The following FARP2 variants were observed in gnomAD, a reference collection of about 807,000 sequenced individuals.
FARP2 encodes the protein FERM, ARH/RhoGEF and pleckstrin domain protein 2.
In FARP2, 111 loss-of-function variants were observed where a neutral mutation model predicts 130.5. The ratio of observed to expected loss-of-function variants is 0.85; its 90% CI spans 0.73 to 1.00. FARP2 has a LOEUF of 1.00. Among genes scored for constraint, FARP2 ranks in the 50% least tolerant of loss-of-function variants. The probability of loss-of-function intolerance (pLI) is 0.00; values close to 1 mark genes in which losing one functional copy is unlikely to be tolerated. For missense variants in FARP2, 1,385 were observed against 1,346.3 expected (o/e 1.03, Z -0.45); for synonymous variants, 504 against 516.9 (o/e 0.98, Z 0.34).
At chr2:241,465,696 G>A in intron 17 of FARP2, 1 of 1,550,936 alleles carries the variant, frequency 6.4e-7, no homozygotes, top group South Asian at 1.2e-5. Context: ...TTCACCACGT[G>A]ACCGCCCAAG....
intron 2 of FARP2, among the ~76,000 whole-genome samples, chr2:241,384,168 C>T (rs932436711): frequency 6.6e-6 from 1 of 151,850 alleles, no homozygotes; most frequent in African/African-American, 2.4e-5. Flanking sequence ...CATCAGTCTT[C>T]GACTTCTGAA....
At chr2:241,369,254 C>G (rs572996873) in intron 1 of FARP2, among the ~76,000 whole-genome samples, 75 of 152,096 alleles carry the variant, frequency 4.9e-4, no homozygotes, top group African/African-American at 1.8e-3. Flanking sequence ...GAAGAGGAAG[C>G]AATGTTAAAA....
chr2:241,420,353 T>C (rs1444406673), intron 8 of FARP2, among the ~76,000 whole-genome samples: 1 of 152,134 alleles, frequency 6.6e-6, no homozygotes, highest in Non-Finnish European at 1.5e-5. Flanking sequence ...GAAAATTATA[T>C]GTGCACTATA....
At chr2:241,364,725 G>A (rs2150285013) in intron 1 of FARP2, among the ~76,000 whole-genome samples, 1 of 152,176 alleles carries the variant, frequency 6.6e-6, no homozygotes, top group African/African-American at 2.4e-5. Flanking sequence ...ATAATGCATG[G>A]ATTTACAGTT....
At chr2:241,464,203 A>T (rs897608402) in intron 17 of FARP2, among the ~76,000 whole-genome samples, 1 of 148,472 alleles carries the variant, frequency 6.7e-6, no homozygotes, top group African/African-American at 2.5e-5. Flanking sequence ...GGGTCCCCTC[A>T]GAATAGGATC....
chr2:241,361,059 A>T (rs2061175362), intron 1 of FARP2, among the ~76,000 whole-genome samples: 1 of 151,576 alleles, frequency 6.6e-6, no homozygotes, highest in Non-Finnish European at 1.5e-5. Flanking sequence ...TCTTAGGCAC[A>T]CAGAATTGTA....
chr2:241,446,536 C>T (rs2063518934), intron 13 of FARP2: 1 of 152,152 alleles, frequency 6.6e-6, no homozygotes, highest in Non-Finnish European at 1.5e-5. Context: ...TGGTTGTGAT[C>T]ACATGGTGAC....
intron 21 of FARP2, among the ~76,000 whole-genome samples, chr2:241,484,854 T>G (rs988298902): frequency 6.6e-6 from 1 of 152,166 alleles, no homozygotes; most frequent in Non-Finnish European, 1.5e-5. Flanking sequence ...CATGCAGCTC[T>G]AGAGGCTATG....
chr2:241,477,692 C>T (rs909980655), intron 19 of FARP2, among the ~76,000 whole-genome samples: 10 of 152,206 alleles, frequency 6.6e-5, no homozygotes, highest in African/African-American at 2.2e-4. Flanking sequence ...TTCATTCCCA[C>T]CAACTCGTAT....
intron 11 of FARP2, among the ~76,000 whole-genome samples, chr2:241,436,150 C>A (rs971190972): frequency 4.6e-5 from 7 of 151,582 alleles, no homozygotes; most frequent in African/African-American, 1.7e-4. Flanking sequence ...ACCTCGTGAT[C>A]CACCCGCCTC....
chr2:241,406,697 C>T (rs1051956593), intron 4 of FARP2, among the ~76,000 whole-genome samples: 1 of 152,250 alleles, frequency 6.6e-6, no homozygotes, highest in East Asian at 1.9e-4. Context: ...CTCCTGGGTT[C>T]AAGTGATCCA....
chr2:241,412,520 A>C (rs1300896428), intron 6 of FARP2, among the ~76,000 whole-genome samples: 1 of 152,240 alleles, frequency 6.6e-6, no homozygotes, highest in Non-Finnish European at 1.5e-5. Context: ...ATTGTCTAAA[A>C]ATAAAAGCAT....
At chr2:241,400,661 C>T (rs1296052065) in intron 2 of FARP2, among the ~76,000 whole-genome samples, 1 of 152,194 alleles carries the variant, frequency 6.6e-6, no homozygotes, top group African/African-American at 2.4e-5. Flanking sequence ...ATTATCCCTG[C>T]ACTCAGGTGA....
At chr2:241,437,664 TTA>T (rs1456995188) in intron 12 of FARP2, among the ~76,000 whole-genome samples, 114 of 143,752 alleles carry the variant, frequency 7.9e-4, no homozygotes, top group African/African-American at 2.8e-3. Flanking sequence ...ATTTATTTAT[TTA>T]TTTATTTTTT....
At chr2:241,437,670 ATT>A (rs763025047) in intron 12 of FARP2, among the ~76,000 whole-genome samples, 1 of 133,110 alleles carries the variant, frequency 7.5e-6, no homozygotes. Context: ...TTATTTATTT[ATT>A]TTTTTTTTTT....
intron 19 of FARP2, among the ~76,000 whole-genome samples, chr2:241,481,717 C>T (rs1327583419): frequency 1.3e-5 from 2 of 152,120 alleles, no homozygotes; most frequent in East Asian, 3.9e-4. Context: ...GCCCAGGGAA[C>T]TGTCACTGGG....
At chr2:241,425,219 A>C (rs1425568807) in intron 8 of FARP2, among the ~76,000 whole-genome samples, 2 of 151,868 alleles carry the variant, frequency 1.3e-5, no homozygotes, top group Non-Finnish European at 2.9e-5. Context: ...AAACAAAAAC[A>C]AAAAAAACCC....
chr2:241,489,877 C>G, intron 21 of FARP2, 85 bp from the exon 22 acceptor site: 2 of 891,558 alleles, frequency 2.2e-6, no homozygotes, highest in Admixed American at 1.8e-5. Flanking sequence ...CCTAGCATTG[C>G]CAGCAGTCAC....
rs2065040377 is a variant in FARP2 at position 241,494,178 on chromosome 2, G to A, written c.*53G>A. 2.6e-6 allele frequency: 3 copies of A among 1,151,386 alleles called. No individual in the cohort carries two copies. The Admixed American group carries it at 8.9e-5, about 34-fold the overall frequency. 71.3% of individuals were successfully genotyped at this position (1,151,386 alleles called of 1,614,324 possible). A position where few individuals can be genotyped will look rare whatever the true frequency, so the allele number is the denominator to read the frequency against. On this transcript the variant is annotated 3_prime_UTR_variant, in exon 27 of 27. Transcript: ENST00000264042. This position sits in a 1 kb window ranked among gnomAD's most constrained non-coding sequence, Gnocchi z 4.9. ...ACTACAAAGAACAGCAGGACACAGAGGTGACCTCTGTCCTGAGGCTTCTCA... is the reference window on the plus strand; with the variant it reads ...ACTACAAAGAACAGCAGGACACAGAAGTGACCTCTGTCCTGAGGCTTCTCA...
Sources: allele counts gnomAD v4.1 joint callset (sites outside exome capture counted in the v4.1 genomes callset), GRCh38; gene constraint gnomAD v4.1.1; non-coding constraint Gnocchi (gnomAD v3.1); transcripts MANE v1.5; gene names NCBI Gene and HGNC (gene_info 2026-07-23, HGNC 2026-07-21).